Variants in PDLIM5 observed in about 807,000 individuals in gnomAD.
The protein encoded by PDLIM5 is PDZ and LIM domain 5.
PDLIM5 carries 34 observed loss-of-function variants against 64.2 expected under a neutral mutation model. The ratio of observed to expected loss-of-function variants is 0.53; its 90% CI spans 0.40 to 0.71. The LOEUF is 0.71. PDLIM5 is among the 30% of genes least tolerant of loss of function. The pLI, the probability that PDLIM5 is intolerant of heterozygous loss-of-function variation, is 0.00. For synonymous variants in PDLIM5, 253 were observed against 269.1 expected, an observed-to-expected ratio of 0.94 and a Z score of 0.59; for missense variants, 683 against 733.6, an observed-to-expected ratio of 0.93 and a Z score of 0.80.
At chr4:94,645,283 G>GTA (rs1160232338) in intron 9 of PDLIM5, among the ~76,000 whole-genome samples, 1 of 152,186 alleles carries the variant, frequency 6.6e-6, no homozygotes, top group African/African-American at 2.4e-5. Flanking sequence ...ATTCCATTGT[G>GTA]TATATATACC....
chr4:94,473,458 C>T (rs1725054206), intron 2 of PDLIM5, among the ~76,000 whole-genome samples: 1 of 152,082 alleles, frequency 6.6e-6, no homozygotes, highest in African/African-American at 2.4e-5. Flanking sequence ...GACAGGGTTT[C>T]ACCATGTTGG....
In PDLIM5 at chr4:94,575,882, T is replaced by C. The variant is rs749270610; in HGVS notation, c.558T>C (p.Ser186=). 1 of 1,614,054 alleles carries C rather than the reference T, an allele frequency of 6.2e-7. No individual in the cohort carries two copies. Among genetic ancestry groups the C allele is most frequent in the African/African-American group, 1.3e-5 (1 of 74,906 alleles). Residue 186 remains serine, a synonymous_variant, in exon 5 of 13, where the codon AGT becomes AGC. Transcript: ENST00000317968. ...ASGLHANANL[S]ADQSPSALSA... Reference sequence around the variant, plus strand: ...GACTGCATGCTAATGCCAATCTTAGTGCTGACCAGTCTCCATCTGCACTGA... The same window carrying C: ...GACTGCATGCTAATGCCAATCTTAGCGCTGACCAGTCTCCATCTGCACTGA...
At chr4:94,632,802 A>G (rs1740263989) in intron 8 of PDLIM5, among the ~76,000 whole-genome samples, 2 of 152,200 alleles carry the variant, frequency 1.3e-5, no homozygotes, top group African/African-American at 4.8e-5. Flanking sequence ...CTGGCTTTGA[A>G]GAGGTGGAAG....
intron 5 of PDLIM5, among the ~76,000 whole-genome samples, chr4:94,576,674 G>A (rs762895422): frequency 3.3e-5 from 5 of 152,172 alleles, no homozygotes; most frequent in Middle Eastern, 3.2e-3. Context: ...CATTGTAAAC[G>A]TTTTCTGAAA....
At chr4:94,529,697 A>G (rs1014809742) in intron 3 of PDLIM5, among the ~76,000 whole-genome samples, 9 of 152,182 alleles carry the variant, frequency 5.9e-5, no homozygotes, top group Non-Finnish European at 1.3e-4. Flanking sequence ...TGTGTTTCTA[A>G]TGAACATAAA....
intron 3 of PDLIM5, among the ~76,000 whole-genome samples, chr4:94,564,889 C>T (rs1023886409): frequency 2.0e-4 from 31 of 151,958 alleles, no homozygotes; most frequent in Non-Finnish European, 3.5e-4. Context: ...ATCTCCTGAC[C>T]TCGTGATCCG....
chr4:94,620,072 A>G (rs1739099986), intron 8 of PDLIM5, among the ~76,000 whole-genome samples: 1 of 152,086 alleles, frequency 6.6e-6, no homozygotes, highest in Non-Finnish European at 1.5e-5. Context: ...TGCTTCACCC[A>G]ATTTATAATC....
chr4:94,663,432 T>G (rs1025857956), intron 12 of PDLIM5, among the ~76,000 whole-genome samples: 5 of 152,190 alleles, frequency 3.3e-5, no homozygotes, highest in African/African-American at 1.2e-4. Flanking sequence ...GATAGTGGAC[T>G]GACTGTATAA....
chr4:94,554,666 A>T lies in PDLIM5; in HGVS notation c.249-18685A>T, dbSNP rs536465782. Among the ~76,000 whole-genome samples the T allele has an allele frequency of 3.3e-5, 5 of 152,380 alleles. No individual in the cohort carries two copies. In the South Asian group the frequency reaches 1.0e-3, roughly 32 times the overall value. On this transcript the variant is annotated intron_variant, in intron 3 of 12. Coordinates refer to ENST00000317968, the MANE Select transcript of PDLIM5 (RefSeq NM_006457.5). The stretch of plus-strand genomic sequence containing the variant: ...AAATGCATATGATATAAGAGCATGA[A>T]CAGTTTTAAGGAATGAGTAGCATTA...
intron 2 of PDLIM5, among the ~76,000 whole-genome samples, chr4:94,479,276 T>C (rs1052338524): frequency 2.0e-5 from 3 of 151,360 alleles, no homozygotes; most frequent in Non-Finnish European, 4.4e-5. Context: ...TATTTCCTAT[T>C]ATTGGTTAGA....
chr4:94,478,890 G>GTTTTTTTTTTTTTTTTTTT (rs67013211), intron 2 of PDLIM5, among the ~76,000 whole-genome samples: 2 of 94,124 alleles, frequency 2.1e-5, no homozygotes, highest in African/African-American at 9.0e-5. Flanking sequence ...TGTGCTTGGT[G>GTTTTTTTTTTTTTTTTTTT]TTTTTTTTTT....
At chr4:94,557,234 C>G (rs1345722237) in intron 3 of PDLIM5, among the ~76,000 whole-genome samples, 1 of 152,108 alleles carries the variant, frequency 6.6e-6, no homozygotes, top group Non-Finnish European at 1.5e-5. Context: ...GGTATTATTT[C>G]TGAGGGCTCT....
At chr4:94,459,403 A>T (rs1030396121) in intron 2 of PDLIM5, among the ~76,000 whole-genome samples, 42 of 152,326 alleles carry the variant, frequency 2.8e-4, no homozygotes, top group Middle Eastern at 3.4e-3. Context: ...TTAGGGGAGG[A>T]TAAATTGTTA....
chr4:94,555,475 A>C (rs1008091814), intron 3 of PDLIM5, among the ~76,000 whole-genome samples: 1 of 152,198 alleles, frequency 6.6e-6, no homozygotes, highest in East Asian at 1.9e-4. Flanking sequence ...AATGTATGTA[A>C]ATTTGTCAAA....
chr4:94,499,849 T>C (rs753523532), intron 2 of PDLIM5, among the ~76,000 whole-genome samples: 8 of 152,188 alleles, frequency 5.3e-5, no homozygotes, highest in Non-Finnish European at 1.2e-4. Context: ...GAACTGCACG[T>C]GCAAGGGATC....
At chr4:94,525,487 T>C (rs1730274395) in intron 3 of PDLIM5, among the ~76,000 whole-genome samples, 1 of 152,162 alleles carries the variant, frequency 6.6e-6, no homozygotes, top group Non-Finnish European at 1.5e-5. Flanking sequence ...CATATTTGGC[T>C]ATGGAACCTT....
chr4:94,591,083 A>G (rs1468771075), intron 7 of PDLIM5, among the ~76,000 whole-genome samples: 2 of 152,194 alleles, frequency 1.3e-5, no homozygotes, highest in Non-Finnish European at 2.9e-5. Flanking sequence ...ATAAAGCCAT[A>G]CAGAAAATAC....
intron 2 of PDLIM5, chr4:94,457,076 A>T: frequency 4.7e-6 from 4 of 842,460 alleles, no homozygotes; most frequent in Non-Finnish European, 5.7e-6. Flanking sequence ...GTATAAATAT[A>T]TATACACACA....
chr4:94,616,274 GA>G (rs1392482570), intron 7 of PDLIM5, among the ~76,000 whole-genome samples: 1 of 152,076 alleles, frequency 6.6e-6, no homozygotes, highest in African/African-American at 2.4e-5. Flanking sequence ...TATTTGTAAT[GA>G]GTAAAAATGT....
Sources: allele counts gnomAD v4.1 joint callset (sites outside exome capture counted in the v4.1 genomes callset), GRCh38; gene constraint gnomAD v4.1.1; transcripts MANE v1.5; gene names NCBI Gene and HGNC (gene_info 2026-07-23, HGNC 2026-07-21).